KIAA1217: variants seen among roughly 807,000 people sequenced by gnomAD.
The protein encoded by KIAA1217 is sickle tail protein homolog.
In KIAA1217, 88 loss-of-function variants were observed where a neutral mutation model predicts 163.9. The observed-to-expected ratio is 0.54, with a 90% CI of 0.45 to 0.64. The LOEUF (loss-of-function observed/expected upper bound fraction) is 0.64, where lower values mean the gene tolerates loss of function less well. Ranked by LOEUF, KIAA1217 falls within the 30% of genes least tolerant of loss-of-function variation. The pLI, the probability that KIAA1217 is intolerant of heterozygous loss-of-function variation, is 0.00. For missense variants in KIAA1217, 2,372 were observed against 2,475.0 expected, an observed-to-expected ratio of 0.96 and a Z score of 0.88; for synonymous variants, 903 against 923.1, an observed-to-expected ratio of 0.98 and a Z score of 0.39.
chr10:24,306,302 CT>C (rs1316941120), intron 2 of KIAA1217, among the ~76,000 whole-genome samples: 1 of 152,086 alleles, frequency 6.6e-6, no homozygotes, highest in Non-Finnish European at 1.5e-5. Context: ...TAATTCACAC[CT>C]TTGTACATGG....
At chr10:23,944,919 C>T (rs927678328) in intron 1 of KIAA1217, among the ~76,000 whole-genome samples, 1 of 151,990 alleles carries the variant, frequency 6.6e-6, no homozygotes, top group Non-Finnish European at 1.5e-5. Context: ...ATTAGCCAGA[C>T]GTGGTGGTGT....
intron 1 of KIAA1217, among the ~76,000 whole-genome samples, chr10:23,824,658 A>AAAATAT (rs1837805755): frequency 2.3e-4 from 12 of 53,038 alleles, no homozygotes; most frequent in East Asian, 5.2e-4. Context: ...AAATAAAAAA[A>AAAATAT]ATATATATAT....
At chr10:24,529,133 C>T (rs979077292) in intron 14 of KIAA1217, among the ~76,000 whole-genome samples, 15 of 152,228 alleles carry the variant, frequency 9.9e-5, no homozygotes, top group South Asian at 4.1e-4. Context: ...TCTTGACTTG[C>T]ATGTTGAGAA....
intron 5 of KIAA1217, among the ~76,000 whole-genome samples, chr10:24,452,701 AGAAT>A (rs1039339699): frequency 1.4e-5 from 2 of 143,858 alleles, no homozygotes; most frequent in Admixed American, 7.5e-5. Context: ...AAAAAAAAAT[AGAAT>A]GAATGAGACC....
chr10:24,342,155 C>G (rs958835549), intron 2 of KIAA1217, among the ~76,000 whole-genome samples: 5 of 152,150 alleles, frequency 3.3e-5, no homozygotes, highest in East Asian at 3.9e-4. Context: ...AGGCCATGGT[C>G]ACAGAGAGCA....
At chr10:24,501,346 C>G (rs375249871) in intron 8 of KIAA1217, 33 bp from the exon 9 acceptor site, 1 of 1,583,782 alleles carries the variant, frequency 6.3e-7, no homozygotes, top group Non-Finnish European at 8.6e-7. Context: ...TCCTTTGTGG[C>G]CTTCTGAGTT....
chr10:24,370,201 C>T (rs1436173712), intron 2 of KIAA1217, among the ~76,000 whole-genome samples: 1 of 146,150 alleles, frequency 6.8e-6, no homozygotes, highest in African/African-American at 2.6e-5. Flanking sequence ...GGAGGCGGAG[C>T]CTGCAGTGAG....
At chr10:23,916,471 T>C (rs971337113) in intron 1 of KIAA1217, among the ~76,000 whole-genome samples, 13 of 152,224 alleles carry the variant, frequency 8.5e-5, no homozygotes, top group Non-Finnish European at 1.8e-4. Flanking sequence ...TTATATCTTC[T>C]TCAACTAGAG....
At chr10:24,321,399 C>T (rs114467977) in intron 2 of KIAA1217, among the ~76,000 whole-genome samples, 5,395 of 151,930 alleles carry the variant, frequency 0.036, 305 homozygotes, top group African/African-American at 0.12. Context: ...CTTAACTGGG[C>T]GTAGTGGTGC....
intron 2 of KIAA1217, among the ~76,000 whole-genome samples, chr10:24,119,732 A>G (rs1328585449): frequency 6.6e-6 from 1 of 152,188 alleles, no homozygotes; most frequent in Non-Finnish European, 1.5e-5. Context: ...CTTATATAGT[A>G]GCTGTAAATC....
At chr10:23,851,747 A>G (rs1317161829) in intron 1 of KIAA1217, among the ~76,000 whole-genome samples, 1 of 152,020 alleles carries the variant, frequency 6.6e-6, no homozygotes, top group Non-Finnish European at 1.5e-5. Context: ...TTTGATTTGC[A>G]TTTCTCTGAT....
intron 1 of KIAA1217, among the ~76,000 whole-genome samples, chr10:23,770,623 C>T (rs1834752102): frequency 6.6e-6 from 1 of 152,140 alleles, no homozygotes; most frequent in Non-Finnish European, 1.5e-5. Context: ...AAGTTAGTGT[C>T]CAGTGGTTTT....
At chr10:23,971,395 C>G (rs1845311892) in intron 1 of KIAA1217, among the ~76,000 whole-genome samples, 1 of 152,206 alleles carries the variant, frequency 6.6e-6, no homozygotes, top group Admixed American at 6.5e-5. Flanking sequence ...CCCTGGCCCC[C>G]ATGGCAACAA....
At chr10:24,224,706 G>A (rs895475061) in intron 2 of KIAA1217, among the ~76,000 whole-genome samples, 4 of 152,090 alleles carry the variant, frequency 2.6e-5, no homozygotes, top group African/African-American at 9.6e-5. Context: ...GAAATACAAC[G>A]ATGGAATCTT....
At chr10:24,383,423 A>G (rs139000090) in intron 3 of KIAA1217, among the ~76,000 whole-genome samples, 6 of 152,328 alleles carry the variant, frequency 3.9e-5, no homozygotes, top group African/African-American at 1.4e-4. Context: ...GGGTTCAGGA[A>G]CCAAGCCTTG....
chr10:23,962,970 C>T (rs116690961), intron 1 of KIAA1217, among the ~76,000 whole-genome samples: 4,177 of 152,098 alleles, frequency 0.027, 197 homozygotes, highest in African/African-American at 0.096. Flanking sequence ...AATATAAAAT[C>T]TCTAAAAGAA....
intron 13 of KIAA1217, among the ~76,000 whole-genome samples, chr10:24,525,831 A>AT (rs11384436): frequency 0.06 from 9,084 of 152,066 alleles, 702 homozygotes; most frequent in African/African-American, 0.18. Context: ...TACCAAAAAA[A>AT]ATACAAAAAT....
At chr10:23,842,024 C>T (rs1838811475) in intron 1 of KIAA1217, among the ~76,000 whole-genome samples, 1 of 151,970 alleles carries the variant, frequency 6.6e-6, no homozygotes, top group African/African-American at 2.4e-5. Flanking sequence ...CGTGCTACCA[C>T]ACTTGGCTAA....
At chr10:23,762,202 T>A (rs1469553740) in intron 1 of KIAA1217, among the ~76,000 whole-genome samples, 1 of 152,062 alleles carries the variant, frequency 6.6e-6, no homozygotes, top group Non-Finnish European at 1.5e-5. Flanking sequence ...AAAGGGGAGC[T>A]GATACCATTC....
Sources: allele counts gnomAD v4.1 joint callset (sites outside exome capture counted in the v4.1 genomes callset), GRCh38; gene constraint gnomAD v4.1.1; transcripts MANE v1.5; gene names NCBI Gene and HGNC (gene_info 2026-07-23, HGNC 2026-07-21).